The following ENPP6 variants were observed in gnomAD, a reference collection of about 807,000 sequenced individuals.
ENPP6 encodes the protein ectonucleotide pyrophosphatase/phosphodiesterase 6.
Under a neutral mutation model 42.0 loss-of-function variants are expected in ENPP6, and 32 were observed. The ratio of observed to expected loss-of-function variants is 0.76; its 90% CI spans 0.58 to 1.02. ENPP6 has a LOEUF of 1.02. ENPP6 is among the 50% of genes least tolerant of loss of function. The pLI is 0.00. For missense variants in ENPP6, 552 were observed against 566.8 expected (o/e 0.97, Z 0.27); for synonymous variants, 213 against 216.0 (o/e 0.99, Z 0.12).
intron 1 of ENPP6, among the ~76,000 whole-genome samples, chr4:184,200,070 T>G (rs1339322335): frequency 6.6e-6 from 1 of 152,222 alleles, no homozygotes; most frequent in East Asian, 1.9e-4. Flanking sequence ...TGCTGCCCAG[T>G]GCCACCCAAC....
intron 1 of ENPP6, among the ~76,000 whole-genome samples, chr4:184,203,378 G>A (rs1253465656): frequency 6.6e-6 from 1 of 152,230 alleles, no homozygotes; most frequent in Non-Finnish European, 1.5e-5. Flanking sequence ...ACTGGACCAT[G>A]CGTAATGGGT....
chr4:184,175,430 G>T (rs1052629142), intron 1 of ENPP6, among the ~76,000 whole-genome samples: 3 of 152,086 alleles, frequency 2.0e-5, no homozygotes, highest in African/African-American at 7.2e-5. Flanking sequence ...TTCATTAATG[G>T]AGAGAGCATA....
rs781759637 is a variant in ENPP6 at position 184,124,195 on chromosome 4, CA to C, written c.498del (p.Phe166LeufsTer48). On this transcript the variant is annotated frameshift_variant, in exon 3 of 8. Coordinates refer to ENST00000296741, the MANE Select transcript of ENPP6 (RefSeq NM_153343.4). LOFTEE classifies it high-confidence loss of function. ...EYKNVPTDIN[F>X]ANAVSDALDS... is the part of the protein sequence containing the mutation. ...TCAAGAGCATCGCTGACTGCATTGGCAAAATTGATATCCGTTGGGACATTTT... is the reference window on the plus strand; with the variant it reads ...TCAAGAGCATCGCTGACTGCATTGGCAAATTGATATCCGTTGGGACATTTT... 2.5e-6 allele frequency: 4 copies of C among 1,613,976 alleles called. No homozygotes were observed. Among genetic ancestry groups the C allele is most frequent in the Middle Eastern group, 1.6e-4 (1 of 6,062 alleles).
Position 184,217,641 on chromosome 4 carries a change from A to G in ENPP6, c.179T>C (p.Val60Ala), listed in dbSNP as rs375419361. 1.9e-6 allele frequency: 3 copies of G among 1,614,218 alleles called. No homozygotes were observed. The highest frequency in any genetic ancestry group is 2.5e-6 in the Non-Finnish European group (3 of 1,180,040). The change falls in exon 1 of 8, where the codon GTG (valine) becomes GCG (alanine). Residue 60 changes from valine to alanine, a missense_variant. Coordinates refer to ENST00000296741, the MANE Select transcript of ENPP6 (RefSeq NM_153343.4). ...FKEIVSRGVK[V>A]DYLTPDFPSL... ...AGGGAAGTCTGGAGTCAAGTAATCC[A>G]CTTTTACTCCCCTGCTCACAATCTC...
intron 1 of ENPP6, among the ~76,000 whole-genome samples, chr4:184,166,773 A>G (rs1416395161): frequency 2.0e-5 from 3 of 152,348 alleles, no homozygotes; most frequent in African/African-American, 7.2e-5. Context: ...CATACAGGAA[A>G]GTCAGCCAAC....
intron 2 of ENPP6, among the ~76,000 whole-genome samples, chr4:184,133,484 CTT>C (rs1230281106): frequency 2.0e-5 from 3 of 152,154 alleles, no homozygotes; most frequent in African/African-American, 7.2e-5. Context: ...CAAAATGCCT[CTT>C]ATTAATTCTA....
chr4:184,142,439 C>T (rs562915699), intron 2 of ENPP6, among the ~76,000 whole-genome samples: 7 of 152,356 alleles, frequency 4.6e-5, no homozygotes, highest in African/African-American at 1.4e-4. Context: ...GGGAACAAGT[C>T]CTTGGGGGAA....
At chr4:184,132,488 T>C (rs1359260798) in intron 2 of ENPP6, among the ~76,000 whole-genome samples, 1 of 152,156 alleles carries the variant, frequency 6.6e-6, no homozygotes, top group African/African-American at 2.4e-5. Context: ...ATTATTTTTG[T>C]CCTTTCTAGT....
intron 2 of ENPP6, among the ~76,000 whole-genome samples, chr4:184,131,135 C>CACTTACTT (rs1157477219): frequency 4.5e-5 from 6 of 134,396 alleles, no homozygotes; most frequent in South Asian, 4.7e-4. Context: ...CTTCCACCAG[C>CACTTACTT]ACTTACTTTC....
At chr4:184,142,735 C>T (rs986356878) in intron 2 of ENPP6, among the ~76,000 whole-genome samples, 2 of 152,196 alleles carry the variant, frequency 1.3e-5, no homozygotes, top group Non-Finnish European at 2.9e-5. Flanking sequence ...TGAGAGGGAA[C>T]GTGTGCCATA....
intron 7 of ENPP6, among the ~76,000 whole-genome samples, chr4:184,093,500 G>A (rs1369992749): frequency 5.9e-5 from 9 of 152,050 alleles, no homozygotes; most frequent in African/African-American, 1.7e-4. Flanking sequence ...TTAGCTGGGT[G>A]TGGTGGCAGG....
chr4:184,101,292 ATGTGTGTGAGCTTGTGTGTGTG>A (rs1221562992), intron 6 of ENPP6, among the ~76,000 whole-genome samples: 1 of 138,766 alleles, frequency 7.2e-6, no homozygotes, highest in African/African-American at 2.7e-5. Flanking sequence ...GTTAATGTTT[ATGTGTGTGAGCTTGTGTGTGTG>A]TGTGTGTGTG....
chr4:184,121,094 C>T lies in ENPP6; in HGVS notation c.533+3067G>A, dbSNP rs117351061. On this transcript the variant is annotated intron_variant, in intron 3 of 7. Transcript: ENST00000296741. ...TGGGGAGAGCAATGCCTACACAATA[C>T]CACGGACATGAGAACCAAGTGGGTT... Among the ~76,000 whole-genome samples, 15 of 152,290 alleles carry T rather than the reference C, an allele frequency of 9.8e-5. No individual in the cohort carries two copies. The East Asian group carries it at 2.3e-3, about 24-fold the overall frequency.
At chr4:184,193,832 G>A (rs1024761961) in intron 1 of ENPP6, among the ~76,000 whole-genome samples, 3 of 152,046 alleles carry the variant, frequency 2.0e-5, no homozygotes, top group African/African-American at 7.2e-5. Flanking sequence ...AGCTCCCTAG[G>A]GGTTTTGCAA....
At chr4:184,140,515 C>G (rs868712738) in intron 2 of ENPP6, among the ~76,000 whole-genome samples, 2,862 of 143,128 alleles carry the variant, frequency 0.02, 90 homozygotes, top group African/African-American at 0.07. Flanking sequence ...GTAACCAAAA[C>G]AGCATGGTAC....
rs1227429418 is a variant in ENPP6 at position 184,095,665 on chromosome 4, A to AT, written c.1117+1579_1117+1580insA. Among the ~76,000 whole-genome samples the AT allele has an allele frequency of 8.4e-3, 1,140 of 135,474 alleles. 20 individuals carry two copies. Among genetic ancestry groups the AT allele is most frequent in the African/African-American group, 0.027 (1,055 of 39,340 alleles). The allele number at this position is 135,474 out of a possible 152,430, so 88.9% of individuals were successfully genotyped here. On this transcript the variant is annotated intron_variant, in intron 7 of 7. Coordinates refer to ENST00000296741, the MANE Select transcript of ENPP6 (RefSeq NM_153343.4). ...ACAAGAAACTGTCTCAAAAAAAAAA[A>AT]ATATATCTATATATATATATAGATA...
chr4:184,213,795 G>A (rs1489367872), intron 1 of ENPP6, among the ~76,000 whole-genome samples: 66 of 146,836 alleles, frequency 4.5e-4, no homozygotes, highest in Admixed American at 1.0e-3. Context: ...GCACACGTAT[G>A]TTTATTGCGG....
At chr4:184,113,933 T>TTCTTTCTC (rs1197388760) in intron 5 of ENPP6, among the ~76,000 whole-genome samples, 1 of 143,436 alleles carries the variant, frequency 7.0e-6, no homozygotes, top group Non-Finnish European at 1.6e-5. Context: ...CTTTCTTTCT[T>TTCTTTCTC]TCTTTCTTTC....
chr4:184,096,095 T>C (rs1339440618), intron 7 of ENPP6, among the ~76,000 whole-genome samples: 1 of 152,160 alleles, frequency 6.6e-6, no homozygotes. Context: ...GGAACCTGGA[T>C]CACATGTGGA....
Sources: allele counts gnomAD v4.1 joint callset (sites outside exome capture counted in the v4.1 genomes callset), GRCh38; gene constraint gnomAD v4.1.1; transcripts MANE v1.5; gene names NCBI Gene and HGNC (gene_info 2026-07-23, HGNC 2026-07-21).